Variants in DCTN6 observed in about 807,000 individuals in gnomAD.
DCTN6 encodes dynactin subunit 6.
DCTN6 carries 15 observed loss-of-function variants against 25.8 expected under a neutral mutation model. The observed-to-expected ratio is 0.58, with a 90% CI of 0.39 to 0.89. The LOEUF is 0.89. Among genes scored for constraint, DCTN6 ranks in the 40% least tolerant of loss-of-function variants. DCTN6 has a pLI of 0.00. For missense variants in DCTN6, 198 were observed against 237.6 expected, an observed-to-expected ratio of 0.83 and a Z score of 1.09; for synonymous variants, 64 against 78.3, an observed-to-expected ratio of 0.82 and a Z score of 0.96.
In DCTN6 at chr8:30,182,927, T is replaced by C. The variant is rs1290357575; in HGVS notation, c.475-148T>C. On this transcript the variant is annotated intron_variant, in intron 6 of 6. Transcript: ENST00000221114. Reference sequence around the variant, plus strand: ...CAAGATCTCCCTATGTTGCTCAGGCTGTTCTGGAACTCCTGAGCTCAAATC... The same window carrying C: ...CAAGATCTCCCTATGTTGCTCAGGCCGTTCTGGAACTCCTGAGCTCAAATC... 55 of 641,378 alleles carry C rather than the reference T, an allele frequency of 8.6e-5. No homozygotes were observed. The South Asian group carries it at 1.0e-3, about 12-fold the overall frequency. 39.7% of individuals were successfully genotyped at this position (641,378 alleles called of 1,614,324 possible).
chr8:30,171,312 C>T (rs1388658560), intron 2 of DCTN6, among the ~76,000 whole-genome samples: 2 of 151,988 alleles, frequency 1.3e-5, no homozygotes, highest in African/African-American at 4.8e-5. Flanking sequence ...TACAGTGGTA[C>T]AATCATTGTT....
Position 30,157,138 on chromosome 8 carries a change from C to T in DCTN6, c.23+732C>T, listed in dbSNP as rs1035685742. 2.0e-4 allele frequency among the ~76,000 whole-genome samples: 31 copies of T among 152,268 alleles called. 1 individual carries two copies. Among genetic ancestry groups the T allele is most frequent in the Middle Eastern group, 6.8e-3 (2 of 294 alleles). ...AGTCCCCAGTGTCTGTTATTTCCCT[C>T]TTTATGTTTATGTGTACTCATTTTA... On this transcript the variant is annotated intron_variant, in intron 1 of 6. Coordinates refer to ENST00000221114, the MANE Select transcript of DCTN6 (RefSeq NM_006571.4).
At chr8:30,180,160 C>T (rs1199853420) in intron 5 of DCTN6, among the ~76,000 whole-genome samples, 1 of 152,172 alleles carries the variant, frequency 6.6e-6, no homozygotes, top group African/African-American at 2.4e-5. Flanking sequence ...CAAACCTGTG[C>T]TCATCACTTT....
chr8:30,160,051 C>T (rs1803577509), intron 1 of DCTN6, among the ~76,000 whole-genome samples: 1 of 152,268 alleles, frequency 6.6e-6, no homozygotes, highest in African/African-American at 2.4e-5. Context: ...TTGAGCTTCC[C>T]TCTCCATCAG....
chr8:30,175,410 A>G (rs1215468285), intron 3 of DCTN6, among the ~76,000 whole-genome samples: 1 of 152,142 alleles, frequency 6.6e-6, no homozygotes, highest in Non-Finnish European at 1.5e-5. Flanking sequence ...GCTGCCTAGA[A>G]TCTTTGACGC....
intron 2 of DCTN6, among the ~76,000 whole-genome samples, chr8:30,172,183 A>G (rs1429757188): frequency 6.6e-6 from 1 of 152,162 alleles, no homozygotes; most frequent in Non-Finnish European, 1.5e-5. Flanking sequence ...CACAGCCCCG[A>G]AAGTTGTGAT....
intron 6 of DCTN6, 58 bp from the exon 7 acceptor site, chr8:30,183,017 G>C: frequency 6.8e-7 from 1 of 1,465,818 alleles, no homozygotes; most frequent in Non-Finnish European, 9.6e-7. Context: ...CCTGGTTGCT[G>C]TGTGGTACTC....
chr8:30,174,998 C>T lies in DCTN6; in HGVS notation c.89-87C>T, dbSNP rs1021008691. On this transcript the variant is annotated intron_variant, in intron 2 of 6. Transcript: ENST00000221114. Reference sequence around the variant, plus strand: ...CATACTTAGAAAATGTTCCTCCCAACAGCCTCACCCATCCTCAGTCACCTT... The same window carrying T: ...CATACTTAGAAAATGTTCCTCCCAATAGCCTCACCCATCCTCAGTCACCTT... 10 of 1,240,656 alleles carry T rather than the reference C, an allele frequency of 8.1e-6. No individual in the cohort carries two copies. The African/African-American group carries it at 1.5e-4, about 19-fold the overall frequency. 76.9% of individuals were successfully genotyped at this position (1,240,656 alleles called of 1,614,324 possible).
At chr8:30,179,906 A>C (rs528074391) in intron 5 of DCTN6, among the ~76,000 whole-genome samples, 8 of 152,328 alleles carry the variant, frequency 5.3e-5, no homozygotes, top group Admixed American at 2.0e-4. Flanking sequence ...AGTCACTGTC[A>C]CTACTGGGAA....
Position 30,183,114 on chromosome 8 carries a change from C to T in DCTN6, c.514C>T (p.Pro172Ser). ...LQLDFLMKIL[P>S]NYHHLKKTMK... ...GCTGGATTTCTTGATGAAAATCTTG[C>T]CAAATTACCACCACCTAAAGAAGAC... Residue 172 changes from proline to serine, a missense_variant, in exon 7 of 7, where the codon CCA becomes TCA. Transcript: ENST00000221114. 6.2e-7 allele frequency: 1 copy of T among 1,613,998 alleles called. No individual in the cohort carries two copies. Among genetic ancestry groups the T allele is most frequent in the Non-Finnish European group, 8.5e-7 (1 of 1,179,968 alleles).
chr8:30,163,629 A>C (rs979951220), intron 1 of DCTN6, among the ~76,000 whole-genome samples: 2 of 152,148 alleles, frequency 1.3e-5, no homozygotes, highest in African/African-American at 2.4e-5. Flanking sequence ...ATGATGGACA[A>C]TATACCAATT....
At chr8:30,176,007 G>A (rs568109051) in intron 3 of DCTN6, among the ~76,000 whole-genome samples, 34 of 152,256 alleles carry the variant, frequency 2.2e-4, no homozygotes, top group East Asian at 5.8e-4. Flanking sequence ...TAAAAATGGC[G>A]TCCACCTCTT....
At chr8:30,166,364 T>C (rs886231979) in intron 2 of DCTN6, among the ~76,000 whole-genome samples, 9 of 150,788 alleles carry the variant, frequency 6.0e-5, no homozygotes, top group Admixed American at 3.3e-4. Flanking sequence ...GCCAAGCTAG[T>C]CTTAAACTCC....
chr8:30,156,533 C>A, intron 1 of DCTN6, 127 bp downstream of exon 1: 2 of 1,172,952 alleles, frequency 1.7e-6, no homozygotes, highest in Non-Finnish European at 2.5e-6. Context: ...GTACCTGAAG[C>A]CCAGACCTGG....
At chr8:30,160,570 C>T (rs1466769869) in intron 1 of DCTN6, among the ~76,000 whole-genome samples, 1 of 152,106 alleles carries the variant, frequency 6.6e-6, no homozygotes, top group Non-Finnish European at 1.5e-5. Context: ...ATATAGTTTG[C>T]TCTTTATATC....
chr8:30,166,823 C>T (rs1375146410), intron 2 of DCTN6, among the ~76,000 whole-genome samples: 3 of 152,020 alleles, frequency 2.0e-5, no homozygotes, highest in African/African-American at 7.3e-5. Context: ...AGGCTGGATG[C>T]CGTGGCTCAT....
intron 1 of DCTN6, 53 bp downstream of exon 1, chr8:30,156,459 C>A: frequency 6.4e-7 from 1 of 1,570,140 alleles, no homozygotes; most frequent in South Asian, 1.2e-5. Context: ...AGGGGTGGAA[C>A]CTGTTCCTGG....
chr8:30,161,505 C>T (rs1191180179), intron 1 of DCTN6, among the ~76,000 whole-genome samples: 1 of 152,094 alleles, frequency 6.6e-6, no homozygotes, highest in Non-Finnish European at 1.5e-5. Context: ...TCAGTGACTT[C>T]TTGCCTACAG....
intron 2 of DCTN6, among the ~76,000 whole-genome samples, chr8:30,167,077 GAA>G (rs1180568379): frequency 6.6e-6 from 1 of 150,842 alleles, no homozygotes; most frequent in East Asian, 1.9e-4. Flanking sequence ...GACGGAAAGA[GAA>G]AGAAGGAAAG....
Sources: gnomAD v4.1 joint callset for allele counts (sites outside exome capture counted in the v4.1 genomes callset) on GRCh38, gnomAD v4.1.1 for gene constraint, MANE v1.5 for transcripts, NCBI Gene and HGNC (gene_info 2026-07-23, HGNC 2026-07-21) for gene names.